Variants in SLC20A2 observed in about 807,000 individuals in gnomAD.
SLC20A2 encodes sodium-dependent phosphate transporter 2.
In SLC20A2, 30 loss-of-function variants were observed where a neutral mutation model predicts 61.0. The observed-to-expected ratio is 0.49, with a 90% CI of 0.37 to 0.67. The LOEUF (loss-of-function observed/expected upper bound fraction) is 0.67, where lower values mean the gene tolerates loss of function less well. Among genes scored for constraint, SLC20A2 ranks in the 30% least tolerant of loss-of-function variants. SLC20A2 has a pLI of 0.00. For missense variants in SLC20A2, 626 were observed against 866.4 expected, an observed-to-expected ratio of 0.72 and a Z score of 3.48; for synonymous variants, 351 against 353.3, an observed-to-expected ratio of 0.99 and a Z score of 0.07.
At chr8:42,447,686 A>C (rs1008826990) in intron 5 of SLC20A2, among the ~76,000 whole-genome samples, 6 of 152,316 alleles carry the variant, frequency 3.9e-5, no homozygotes, top group African/African-American at 1.4e-4. Flanking sequence ...CAGAAGAAAA[A>C]AAATTTCTTT....
At chr8:42,502,316 G>C (rs1208523963), upstream of SLC20A2, 2 of 152,102 alleles carry the variant, frequency 1.3e-5, no homozygotes, top group Non-Finnish European at 2.9e-5. Context: ...AGAGCCATTT[G>C]TTTTCCTCAT....
chr8:42,523,380 T>G (rs2131406505), intron 1 of SLC20A2, among the ~76,000 whole-genome samples: 1 of 152,226 alleles, frequency 6.6e-6, no homozygotes, highest in South Asian at 2.1e-4. Flanking sequence ...ATTGCATATT[T>G]TAACAGTATG....
chr8:42,447,896 C>A lies in SLC20A2; in HGVS notation c.614-3134G>T, dbSNP rs7836765. On this transcript the variant is annotated intron_variant, in intron 5 of 10. Transcript: ENST00000520262. ...TCAGAAGGCTGACTCAGCTCTGCCA[C>A]GCGGCTGTACTGACACCAGCAGGCC... 7.7e-3 allele frequency among the ~76,000 whole-genome samples: 1,172 copies of A among 152,328 alleles called. 8 individuals carry two copies. The highest frequency in any genetic ancestry group is 0.026 in the African/African-American group (1,094 of 41,586).
intron 2 of SLC20A2, among the ~76,000 whole-genome samples, chr8:42,470,077 G>A (rs1807507859): frequency 1.3e-5 from 2 of 151,866 alleles, no homozygotes; most frequent in South Asian, 4.2e-4. Context: ...CTAAAAAGGT[G>A]AATTTTACAA....
intron 1 of SLC20A2, among the ~76,000 whole-genome samples, chr8:42,529,955 G>T (rs1368277572): frequency 6.6e-6 from 1 of 152,082 alleles, no homozygotes; most frequent in Admixed American, 6.6e-5. Context: ...TATATATTTT[G>T]ATCTTTATCA....
intron 10 of SLC20A2, among the ~76,000 whole-genome samples, chr8:42,427,062 G>A (rs1803463503): frequency 6.6e-6 from 1 of 152,258 alleles, no homozygotes; most frequent in Non-Finnish European, 1.5e-5. Context: ...AACTCACAAT[G>A]AATGGGTGGC....
chr8:42,525,157 T>G (rs1300053885), intron 1 of SLC20A2, among the ~76,000 whole-genome samples: 1 of 152,138 alleles, frequency 6.6e-6, no homozygotes, highest in Non-Finnish European at 1.5e-5. Flanking sequence ...ACACCCACCA[T>G]CATCCCTCAC....
In SLC20A2 at chr8:42,459,988, T is replaced by G; in HGVS notation, c.521A>C (p.Asp174Ala). 1 of 1,596,586 alleles carries G rather than the reference T, an allele frequency of 6.3e-7. No homozygotes were observed. The highest frequency in any genetic ancestry group is 8.6e-7 in the Non-Finnish European group (1 of 1,165,424). Reference sequence around the variant, plus strand: ...TGCCCGGAGGCCATTGGGAACAGGGTCTTCCTGTAGGAAGACAAGGAGACA... The same window carrying G: ...TGCCCGGAGGCCATTGGGAACAGGGGCTTCCTGTAGGAAGACAAGGAGACA... ...LIRIFILKKEDPVPNGLRALP... is the reference protein window; with the variant it reads ...LIRIFILKKEAPVPNGLRALP... Residue 174 changes from aspartate to alanine, a missense_variant, in exon 5 of 11, where the codon GAC becomes GCC. Around this residue, in one of 3 missense-constraint regions of SLC20A2, gnomAD observed 361 missense variants for 422.3 expected, o/e 0.85. Coordinates refer to ENST00000520262, the MANE Select transcript of SLC20A2 (RefSeq NM_001257180.2).
chr8:42,501,587 A>G (rs1364350358), upstream of SLC20A2: 1 of 152,256 alleles, frequency 6.6e-6, no homozygotes, highest in Non-Finnish European at 1.5e-5. Flanking sequence ...ACTACGTGAA[A>G]TTAAATAGAC....
At chr8:42,503,180 C>T (rs1810429142), upstream of SLC20A2, among the ~76,000 whole-genome samples, 1 of 152,218 alleles carries the variant, frequency 6.6e-6, no homozygotes, top group East Asian at 1.9e-4. Flanking sequence ...AAAAGAGTCT[C>T]CTCCAATTTA....
rs1010086888 is a variant in SLC20A2 at position 42,496,588 on chromosome 8, T to A, written c.-265+4443A>T. 3.4e-4 allele frequency among the ~76,000 whole-genome samples: 51 copies of A among 152,238 alleles called. 1 individual carries two copies. Among genetic ancestry groups the A allele is most frequent in the Admixed American group, 7.8e-4 (12 of 15,288 alleles). ...TTACTTGTGGCCTTAGCCATTCCAA[T>A]GGAATTAGAATTTATTTGTATTAAG... On this transcript the variant is annotated intron_variant, in intron 1 of 10. Coordinates refer to ENST00000520262, the MANE Select transcript of SLC20A2 (RefSeq NM_001257180.2).
intron 10 of SLC20A2, among the ~76,000 whole-genome samples, chr8:42,424,985 G>A (rs186274633): frequency 2.0e-3 from 304 of 152,240 alleles, no homozygotes; most frequent in Non-Finnish European, 3.3e-3. Flanking sequence ...GGCGGAGGTC[G>A]CAGTGAGCCA....
chr8:42,528,328 G>C (rs909437228), intron 1 of SLC20A2, among the ~76,000 whole-genome samples: 13 of 152,060 alleles, frequency 8.5e-5, no homozygotes, highest in African/African-American at 3.1e-4. Context: ...CGGGCGTAGT[G>C]GTGGGCACCT....
At chr8:42,441,599 G>A (rs923401657) in intron 6 of SLC20A2, among the ~76,000 whole-genome samples, 4 of 150,504 alleles carry the variant, frequency 2.7e-5, no homozygotes, top group African/African-American at 9.9e-5. Context: ...CTCCTGAGTA[G>A]CTGGGATTAC....
chr8:42,429,934 A>T, intron 9 of SLC20A2, 130 bp downstream of exon 9: 2 of 700,890 alleles, frequency 2.9e-6, no homozygotes, highest in African/African-American at 1.8e-5. Context: ...ATTCTTGCCC[A>T]CTGTCTCCTC....
intron 10 of SLC20A2, 71 bp from the exon 11 acceptor site, chr8:42,418,038 C>T (rs1342290236): frequency 3.8e-6 from 5 of 1,305,574 alleles, no homozygotes; most frequent in East Asian, 2.3e-5. Context: ...TGTACATGGG[C>T]TAATCTCAGA....
chr8:42,475,695 GC>G (rs1196941141), intron 1 of SLC20A2, among the ~76,000 whole-genome samples: 1 of 151,980 alleles, frequency 6.6e-6, no homozygotes, highest in African/African-American at 2.4e-5. Context: ...ACAGGCGTGA[GC>G]CACCACACCA....
At chr8:42,426,758 T>C (rs1191777085) in intron 10 of SLC20A2, among the ~76,000 whole-genome samples, 1 of 152,182 alleles carries the variant, frequency 6.6e-6, no homozygotes, top group Non-Finnish European at 1.5e-5. Flanking sequence ...TAGAAGAGTC[T>C]GCCTTCAGCA....
At chr8:42,478,077 G>A (rs1193165127) in intron 1 of SLC20A2, among the ~76,000 whole-genome samples, 2 of 151,224 alleles carry the variant, frequency 1.3e-5, no homozygotes, top group Non-Finnish European at 2.9e-5. Flanking sequence ...GTAGAGACAC[G>A]GTTTCACTAT....
Sources: gnomAD v4.1 joint callset for allele counts (sites outside exome capture counted in the v4.1 genomes callset) on GRCh38, gnomAD v4.1.1 for gene constraint, gnomAD v4.1.1 regional missense constraint, MANE v1.5 for transcripts, NCBI Gene and HGNC (gene_info 2026-07-23, HGNC 2026-07-21) for gene names.